The following ARL17B variants were observed in gnomAD, a reference collection of about 807,000 sequenced individuals.
ARL17B encodes the protein ADP-ribosylation factor-like protein 17.
intron 3 of ARL17B, among the ~76,000 whole-genome samples, chr17:46,349,226 TG>T (rs1228960609): frequency 5.0e-4 from 12 of 23,962 alleles, no homozygotes; most frequent in African/African-American, 3.5e-3. Context: ...CAGAAATGAA[TG>T]GTGGTGATGG....
intron 3 of ARL17B, among the ~76,000 whole-genome samples, chr17:46,321,409 G>A (rs2051368564): frequency 2.6e-5 from 1 of 39,136 alleles, no homozygotes; most frequent in Non-Finnish European, 3.9e-5. Flanking sequence ...AGCGCTCATA[G>A]TCCAGGAGCC....
chr17:46,278,410 TTGTTG>T (rs1475239460), intron 4 of ARL17B, among the ~76,000 whole-genome samples: 14 of 106,516 alleles, frequency 1.3e-4, no homozygotes, highest in African/African-American at 3.8e-4. Context: ...TGTTTTTTTT[TTGTTG>T]TTGTTTTAAG....
chr17:46,276,115 T>C (rs1598058622), intron 4 of ARL17B, among the ~76,000 whole-genome samples: 2 of 152,224 alleles, frequency 1.3e-5, no homozygotes, highest in African/African-American at 2.4e-5. Flanking sequence ...GGTCGCAAAC[T>C]CCTGACCTCA....
intron 4 of ARL17B, among the ~76,000 whole-genome samples, chr17:46,290,252 C>T (rs2668651): frequency 0.11 from 15,583 of 146,884 alleles, no homozygotes; most frequent in Non-Finnish European, 0.16. Flanking sequence ...GCCTCAGCCT[C>T]GCCAAGTAGC....
chr17:46,282,674 G>A (rs1217465954), intron 4 of ARL17B, among the ~76,000 whole-genome samples: 6 of 151,440 alleles, frequency 4.0e-5, no homozygotes, highest in Non-Finnish European at 8.8e-5. Flanking sequence ...CTCCCCACTC[G>A]GCTTCCCAAA....
chr17:46,278,163 C>T (rs2049644402), intron 4 of ARL17B, among the ~76,000 whole-genome samples: 1 of 152,130 alleles, frequency 6.6e-6, no homozygotes, highest in Non-Finnish European at 1.5e-5. Context: ...GCCAGCTGGT[C>T]TCGAACTCCT....
intron 4 of ARL17B, among the ~76,000 whole-genome samples, chr17:46,290,770 T>C (rs1356165847): frequency 6.6e-6 from 1 of 152,224 alleles, no homozygotes; most frequent in Non-Finnish European, 1.5e-5. Flanking sequence ...TTTTATAGAT[T>C]CTAAAGCAGA....
chr17:46,282,215 GC>G (rs1459910471), intron 4 of ARL17B, among the ~76,000 whole-genome samples: 2 of 151,986 alleles, frequency 1.3e-5, no homozygotes, highest in African/African-American at 4.8e-5. Context: ...CCATTCTCCT[GC>G]CTCAGCCTCC....
In ARL17B at chr17:46,327,926, C is replaced by A. The variant is rs1279289328; in HGVS notation, c.259+24894G>T. Among the ~76,000 whole-genome samples, 2 of 59,540 alleles carry A rather than the reference C, an allele frequency of 3.4e-5. 1 individual carries two copies. The highest frequency in any genetic ancestry group is 7.4e-5 in the African/African-American group (2 of 26,874). The allele number at this position is 59,540 out of a possible 152,430, so 39.1% of individuals were successfully genotyped here. On this transcript the variant is annotated intron_variant, in intron 3 of 4. Coordinates refer to the ARL17B transcript ENST00000434041. ...GAATGCTCAAATTGTCCAGATTTGACCAATGCAGTCTTTGTTATTTTTTAA... is the reference window on the plus strand; with the variant it reads ...GAATGCTCAAATTGTCCAGATTTGAACAATGCAGTCTTTGTTATTTTTTAA...
chr17:46,275,861 A>G (rs1299963832), intron 4 of ARL17B, among the ~76,000 whole-genome samples: 2 of 152,222 alleles, frequency 1.3e-5, no homozygotes, highest in Non-Finnish European at 1.5e-5. Context: ...TAAAGTCCAG[A>G]AAGTCTCCCA....
chr17:46,287,138 G>C (rs2091202374), intron 4 of ARL17B, among the ~76,000 whole-genome samples: 1 of 152,188 alleles, frequency 6.6e-6, no homozygotes, highest in Non-Finnish European at 1.5e-5. Flanking sequence ...AGTATCTGAT[G>C]CTCTATCACA....
intron 4 of ARL17B, among the ~76,000 whole-genome samples, chr17:46,277,622 A>ATTTCTTCTCT (rs2049625152): frequency 7.4e-6 from 1 of 134,976 alleles, no homozygotes; most frequent in Non-Finnish European, 1.8e-5. Flanking sequence ...CTCTGGGTAG[A>ATTTCTTCTCT]TTTCTTTTCT....
At position 46,350,483 on chromosome 17, in the gene ARL17B, A is replaced by T. The variant is rs1372899170; in HGVS notation, c.259+2337T>A. On this transcript the variant is annotated intron_variant, in intron 3 of 3. Transcript: ENST00000450673. ...TAGAATAAACAACCAGTTCACAGGAAATCCACAGATAGCCAAGCAAGTTAG... is the reference window on the plus strand; with the variant it reads ...TAGAATAAACAACCAGTTCACAGGATATCCACAGATAGCCAAGCAAGTTAG... Among the ~76,000 whole-genome samples the T allele has an allele frequency of 3.8e-5, 3 of 79,688 alleles. 1 individual carries two copies. The highest frequency in any genetic ancestry group is 1.1e-4 in the African/African-American group (3 of 27,516). 52.3% of individuals were successfully genotyped at this position (79,688 alleles called of 152,430 possible).
At position 46,311,499 on chromosome 17, in the gene ARL17B, T is replaced by C. The variant is rs2143733444; in HGVS notation, c.260-11834A>G. On this transcript the variant is annotated intron_variant, in intron 3 of 4. Coordinates refer to the ARL17B transcript ENST00000434041. Reference sequence around the variant, plus strand: ...TTTTTCAGCTAGAGCTGTTAGGATTTCAGTACATTTAAGACAGTGATGACA... The same window carrying C: ...TTTTTCAGCTAGAGCTGTTAGGATTCCAGTACATTTAAGACAGTGATGACA... 3.5e-5 allele frequency among the ~76,000 whole-genome samples: 3 copies of C among 84,724 alleles called. No individual in the cohort carries two copies. In the South Asian group the frequency reaches 1.6e-3, roughly 46 times the overall value. The allele number at this position is 84,724 out of a possible 152,430, so 55.6% of individuals were successfully genotyped here. A position where few individuals can be genotyped will look rare whatever the true frequency, so the allele number is the denominator to read the frequency against.
At chr17:46,275,528 T>C (rs2049561800) in intron 4 of ARL17B, 4 of 572,986 alleles carry the variant, frequency 7.0e-6, no homozygotes, top group Non-Finnish European at 1.3e-5. Flanking sequence ...TGTTCTTTCA[T>C]TCACCCTTGG....
At chr17:46,287,592 G>C (rs62073171) in intron 4 of ARL17B, among the ~76,000 whole-genome samples, 2 of 152,166 alleles carry the variant, frequency 1.3e-5, no homozygotes, top group Non-Finnish European at 2.9e-5. Flanking sequence ...GAATTTAATC[G>C]AATTAAAAAT....
At chr17:46,289,956 T>A (rs1181552815) in intron 4 of ARL17B, among the ~76,000 whole-genome samples, 1 of 152,152 alleles carries the variant, frequency 6.6e-6, no homozygotes, top group African/African-American at 2.4e-5. Flanking sequence ...CCATCTCTAC[T>A]AAAAATACAA....
chr17:46,291,913 A>C (rs2050079157), intron 4 of ARL17B, among the ~76,000 whole-genome samples: 1 of 146,604 alleles, frequency 6.8e-6, no homozygotes, highest in South Asian at 2.2e-4. Context: ...ATGGGGTGTG[A>C]TTGCACCGCT....
intron 4 of ARL17B, among the ~76,000 whole-genome samples, chr17:46,289,855 C>T (rs1167005238): frequency 1.3e-5 from 2 of 152,190 alleles, no homozygotes; most frequent in Admixed American, 1.3e-4. Flanking sequence ...CACACTGGCT[C>T]ACACCTGTAA....
Sources: gnomAD v4.1 joint callset for allele counts (sites outside exome capture counted in the v4.1 genomes callset) on GRCh38, gnomAD v4.1.1 for gene constraint, MANE v1.5 for transcripts, NCBI Gene and HGNC (gene_info 2026-07-23, HGNC 2026-07-21) for gene names.